The following WWOX variants were observed in gnomAD, a reference collection of about 807,000 sequenced individuals.
The protein encoded by WWOX is WW domain containing oxidoreductase.
Under a neutral mutation model 46.2 loss-of-function variants are expected in WWOX, and 69 were observed. That is an observed-to-expected ratio of 1.49 (90% CI 1.23 to 1.82). The LOEUF is 1.82. Among genes scored for constraint, WWOX ranks in the 40% most tolerant of loss-of-function variants. The pLI is 0.00. For synonymous variants in WWOX, 359 were observed against 202.6 expected (o/e 1.77, Z -6.56); for missense variants, 919 against 542.6 (o/e 1.69, Z -6.89).
At chr16:78,798,278 G>C (rs1448473431) in intron 8 of WWOX, among the ~76,000 whole-genome samples, 1 of 151,918 alleles carries the variant, frequency 6.6e-6, no homozygotes, top group African/African-American at 2.4e-5. Context: ...AAAAAGAGTA[G>C]AAGTCAGGCT....
At chr16:78,880,835 A>T (rs533358242) in intron 8 of WWOX, among the ~76,000 whole-genome samples, 1 of 152,234 alleles carries the variant, frequency 6.6e-6, no homozygotes, top group East Asian at 1.9e-4. Flanking sequence ...CTAAGTTGGG[A>T]TCAGTTCACG....
chr16:78,582,543 C>T (rs936306758), intron 8 of WWOX, among the ~76,000 whole-genome samples: 2 of 152,082 alleles, frequency 1.3e-5, no homozygotes, highest in East Asian at 1.9e-4. Flanking sequence ...AGAATTAAGA[C>T]GTTATGTGCA....
chr16:78,926,820 G>T (rs1000482962), intron 8 of WWOX, among the ~76,000 whole-genome samples: 3 of 151,976 alleles, frequency 2.0e-5, no homozygotes, highest in African/African-American at 7.3e-5. Flanking sequence ...TTTTTGAGAA[G>T]GGGTCTCACT....
At chr16:78,936,541 C>G (rs2045741487) in intron 8 of WWOX, among the ~76,000 whole-genome samples, 1 of 152,126 alleles carries the variant, frequency 6.6e-6, no homozygotes, top group African/African-American at 2.4e-5. Context: ...TAAAGTTAAG[C>G]TGCTTTCTGG....
chr16:79,126,184 T>A (rs187434189), intron 8 of WWOX, among the ~76,000 whole-genome samples: 1 of 152,090 alleles, frequency 6.6e-6, no homozygotes, highest in East Asian at 2.0e-4. Context: ...AAAGAGGATG[T>A]GAGCTGAGGC....
intron 8 of WWOX, among the ~76,000 whole-genome samples, chr16:79,206,906 G>T (rs2051531347): frequency 2.0e-5 from 3 of 152,220 alleles, no homozygotes; most frequent in Non-Finnish European, 4.4e-5. Context: ...CTCTTGGATA[G>T]TGAGTAGGGA....
At chr16:78,613,333 C>G (rs961390860) in intron 8 of WWOX, among the ~76,000 whole-genome samples, 1 of 152,132 alleles carries the variant, frequency 6.6e-6, no homozygotes, top group Non-Finnish European at 1.5e-5. Context: ...AGTCCCGATG[C>G]GTGATTTGTC....
At chr16:78,480,591 G>C (rs2667561) in intron 8 of WWOX, among the ~76,000 whole-genome samples, 1 of 152,032 alleles carries the variant, frequency 6.6e-6, no homozygotes, top group African/African-American at 2.4e-5. Flanking sequence ...TCAGGGTCCC[G>C]TACTTTTCAA....
At chr16:78,268,434 C>G (rs2079410977) in intron 5 of WWOX, among the ~76,000 whole-genome samples, 1 of 152,194 alleles carries the variant, frequency 6.6e-6, no homozygotes, top group Non-Finnish European at 1.5e-5. Flanking sequence ...AGGAAAAGAG[C>G]TAACCTTTGT....
chr16:78,915,066 C>G (rs547052572), intron 8 of WWOX, among the ~76,000 whole-genome samples: 51 of 152,176 alleles, frequency 3.4e-4, no homozygotes, highest in Admixed American at 2.7e-3. Context: ...GGAAAGGGCT[C>G]TGAGCAGGAG....
At position 78,747,784 on chromosome 16, in the gene WWOX, T is replaced by C. The variant is rs371856189; in HGVS notation, c.1056+315032T>C. Among the ~76,000 whole-genome samples the C allele has an allele frequency of 1.6e-4, 24 of 152,350 alleles. No homozygotes were observed. In the South Asian group the frequency reaches 4.8e-3, roughly 30 times the overall value. ...GGAGATGCTGCAGCTTGGCAGAGCATGGATTGCTCAACATACCAGAGTTTA... is the reference window on the plus strand; with the variant it reads ...GGAGATGCTGCAGCTTGGCAGAGCACGGATTGCTCAACATACCAGAGTTTA... On this transcript the variant is annotated intron_variant, in intron 8 of 8. Coordinates refer to ENST00000566780, the MANE Select transcript of WWOX (RefSeq NM_016373.4).
In WWOX at chr16:78,330,662, T is replaced by G. The variant is rs569241791; in HGVS notation, c.517-56198T>G. Among the ~76,000 whole-genome samples the G allele has an allele frequency of 5.9e-5, 9 of 152,368 alleles. No individual in the cohort carries two copies. In the South Asian group the frequency reaches 1.9e-3, roughly 32 times the overall value. On this transcript the variant is annotated intron_variant, in intron 5 of 8. Coordinates refer to ENST00000566780, the MANE Select transcript of WWOX (RefSeq NM_016373.4). ...CGCCCGCCTTGGCCTCCCATAGTGC[T>G]GGGATTATAGGCGTGAACCACCGTG...
At chr16:79,127,550 T>A (rs2049784297) in intron 8 of WWOX, among the ~76,000 whole-genome samples, 1 of 152,238 alleles carries the variant, frequency 6.6e-6, no homozygotes, top group African/African-American at 2.4e-5. Flanking sequence ...CTTTTGCTAT[T>A]GCAAATTGTG....
At chr16:78,188,487 C>CA (rs11325655) in intron 5 of WWOX, among the ~76,000 whole-genome samples, 4,505 of 104,076 alleles carry the variant, frequency 0.043, 193 homozygotes, top group African/African-American at 0.12. Flanking sequence ...GACTCTGTCT[C>CA]AAAAAAAAAA....
chr16:78,169,676 A>G (rs1239621885), intron 5 of WWOX, among the ~76,000 whole-genome samples: 1 of 152,100 alleles, frequency 6.6e-6, no homozygotes, highest in East Asian at 1.9e-4. Context: ...CTTGGGATCT[A>G]AAACTCTGGT....
At chr16:78,476,289 A>G (rs1046357838) in intron 8 of WWOX, among the ~76,000 whole-genome samples, 3 of 152,122 alleles carry the variant, frequency 2.0e-5, no homozygotes, top group Non-Finnish European at 4.4e-5. Flanking sequence ...GAAGTGTCTG[A>G]TCATATCCTT....
chr16:78,173,380 C>T (rs1695836204), intron 5 of WWOX, among the ~76,000 whole-genome samples: 1 of 152,046 alleles, frequency 6.6e-6, no homozygotes, highest in East Asian at 1.9e-4. Flanking sequence ...CCTTGACCTC[C>T]TGGGCTCAAG....
chr16:78,769,255 AC>A (rs368268471), intron 8 of WWOX, among the ~76,000 whole-genome samples: 32 of 152,290 alleles, frequency 2.1e-4, no homozygotes, highest in African/African-American at 7.2e-4. Flanking sequence ...GTGTAATGCC[AC>A]CTGGGAGTTG....
intron 5 of WWOX, among the ~76,000 whole-genome samples, chr16:78,228,360 T>G (rs1210394687): frequency 1.2e-5 from 1 of 85,444 alleles, no homozygotes; most frequent in Non-Finnish European, 2.5e-5. Flanking sequence ...TTTTTTTTTT[T>G]GGAGATGGTC....
Sources: gnomAD v4.1 joint callset for allele counts (sites outside exome capture counted in the v4.1 genomes callset) on GRCh38, gnomAD v4.1.1 for gene constraint, MANE v1.5 for transcripts, NCBI Gene and HGNC (gene_info 2026-07-23, HGNC 2026-07-21) for gene names.